FRMPD4: variants seen among roughly 807,000 people sequenced by gnomAD.
FRMPD4 encodes the protein FERM and PDZ domain-containing protein 4.
FRMPD4 carries 22 observed loss-of-function variants against 94.1 expected under a neutral mutation model. The ratio of observed to expected loss-of-function variants is 0.23; its 90% CI spans 0.17 to 0.33. The LOEUF (loss-of-function observed/expected upper bound fraction) is 0.33. Ranked by LOEUF, FRMPD4 falls within the 10% of genes least tolerant of loss-of-function variation. The pLI is 1.00. For synonymous variants in FRMPD4, 631 were observed against 548.6 expected (o/e 1.15, Z -2.10); for missense variants, 1,111 against 1,339.9 (o/e 0.83, Z 2.67).
At chrX:12,440,540 C>T (rs769038664) in intron 1 of FRMPD4, among the ~76,000 whole-genome samples, 6 of 111,655 alleles carry the variant, frequency 5.4e-5, no homozygotes, top group African/African-American at 1.6e-4. Flanking sequence ...GGAAGCTGGA[C>T]TTTGATATTA....
At chrX:11,837,555 G>C (rs1284723181) in intron 1 of FRMPD4, among the ~76,000 whole-genome samples, 3 of 111,438 alleles carry the variant, frequency 2.7e-5, no homozygotes, top group Non-Finnish European at 5.7e-5. Flanking sequence ...TTTTTATCAA[G>C]AATAATAGAG....
intron 3 of FRMPD4, among the ~76,000 whole-genome samples, chrX:11,956,812 ACT>A (rs1227410654): frequency 1.8e-5 from 2 of 112,238 alleles, no homozygotes; most frequent in African/African-American, 6.5e-5. Flanking sequence ...TGGGAGGCTG[ACT>A]ACTAACATAT....
intron 1 of FRMPD4, among the ~76,000 whole-genome samples, chrX:12,472,440 G>T (rs1019835922): frequency 8.9e-6 from 1 of 112,216 alleles, no homozygotes; most frequent in African/African-American, 3.2e-5. Context: ...CTTGTTGTGG[G>T]GTCAGCATGG....
intron 1 of FRMPD4, among the ~76,000 whole-genome samples, chrX:11,826,686 G>C (rs2053445063): frequency 8.9e-6 from 1 of 111,732 alleles, no homozygotes. Flanking sequence ...GATAATTTCA[G>C]ATTTATCTTG....
At position 12,138,863 on chromosome X, in the gene FRMPD4, T is replaced by G; in HGVS notation, c.-109T>G. On this transcript the variant is annotated 5_prime_UTR_variant, in exon 1 of 17. Transcript: ENST00000675598. ...CGCCGCCACCCGCTGTCGCCGCGAC[T>G]CGAGCCCCGGGCGCACTGAGGTCTT... 1.6e-6 allele frequency: 1 copy of G among 616,260 alleles called. No homozygotes were observed. 50.8% of individuals were successfully genotyped at this position (616,260 alleles called of 1,213,427 possible).
At chrX:12,155,948 G>A (rs925958959) in intron 1 of FRMPD4, among the ~76,000 whole-genome samples, 4 of 111,965 alleles carry the variant, frequency 3.6e-5, no homozygotes, top group African/African-American at 1.3e-4. Flanking sequence ...ACTGAGTTGA[G>A]TAGTTGCAAG....
At chrX:12,558,694 G>C (rs1386976850) in intron 2 of FRMPD4, among the ~76,000 whole-genome samples, 2 of 111,787 alleles carry the variant, frequency 1.8e-5, no homozygotes, top group Non-Finnish European at 3.8e-5. Flanking sequence ...AGCAAAAGCA[G>C]TATCTTTCAG....
At chrX:12,512,628 G>A (rs1212753850) in intron 2 of FRMPD4, among the ~76,000 whole-genome samples, 11 of 112,388 alleles carry the variant, frequency 9.8e-5, no homozygotes. Context: ...ATCATTGATG[G>A]GCATTTAGAT....
At chrX:12,104,015 T>C (rs769681164) in intron 3 of FRMPD4, among the ~76,000 whole-genome samples, 37 of 112,157 alleles carry the variant, frequency 3.3e-4, no homozygotes, top group African/African-American at 1.2e-3. Context: ...TACTAGCCTC[T>C]GGTGAGGGCC....
At chrX:11,831,762 A>G (rs144319744) in intron 1 of FRMPD4, among the ~76,000 whole-genome samples, 3,342 of 111,837 alleles carry the variant, frequency 0.03, 95 homozygotes, top group African/African-American at 0.1. Context: ...GAAAGTATCA[A>G]GGAAAAGAGT....
chrX:11,844,819 A>G (rs1490311583), intron 1 of FRMPD4, among the ~76,000 whole-genome samples: 2 of 111,288 alleles, frequency 1.8e-5, no homozygotes, highest in Non-Finnish European at 3.8e-5. Flanking sequence ...CTCTTTGATG[A>G]TTCTGTTATG....
intron 2 of FRMPD4, among the ~76,000 whole-genome samples, chrX:12,525,722 A>G (rs1183583943): frequency 8.9e-6 from 1 of 111,938 alleles, no homozygotes; most frequent in Admixed American, 9.5e-5. Flanking sequence ...AAACTGCCAA[A>G]TGTTTTCCAT....
At chrX:12,681,912 C>T (rs970776860) in intron 5 of FRMPD4, among the ~76,000 whole-genome samples, 12 of 111,739 alleles carry the variant, frequency 1.1e-4, no homozygotes, top group African/African-American at 3.9e-4. Context: ...TTTCATCACC[C>T]TGAAAGGAAA....
Position 12,616,347 on chromosome X carries a change from TC to T in FRMPD4, c.422+1467del, listed in dbSNP as rs1041560921. Among the ~76,000 whole-genome samples the T allele has an allele frequency of 4.5e-5, 5 of 112,179 alleles. No individual in the cohort carries two copies. In the Admixed American group the frequency reaches 4.7e-4, roughly 11 times the overall value. ...ACCAAACACCAAATCTACTGGAAGA[TC>T]TTGGACTTCACTGCCTCCAGAACTG... On this transcript the variant is annotated intron_variant, in intron 4 of 16. Coordinates refer to ENST00000675598, the MANE Select transcript of FRMPD4 (RefSeq NM_001368397.1).
At chrX:11,920,199 G>C (rs967665780) in intron 3 of FRMPD4, among the ~76,000 whole-genome samples, 2 of 111,851 alleles carry the variant, frequency 1.8e-5, no homozygotes, top group African/African-American at 6.5e-5. Flanking sequence ...GGGGAAAAAA[G>C]CCCAACATTT....
intron 1 of FRMPD4, among the ~76,000 whole-genome samples, chrX:12,158,522 C>T (rs2055971895): frequency 8.9e-6 from 1 of 112,326 alleles, no homozygotes; most frequent in African/African-American, 3.2e-5. Flanking sequence ...TAGAATACAA[C>T]TTGAACTCCA....
chrX:11,870,282 C>T (rs2053748751), intron 2 of FRMPD4, among the ~76,000 whole-genome samples: 1 of 111,605 alleles, frequency 9.0e-6, no homozygotes, highest in Non-Finnish European at 1.9e-5. Context: ...AAGTTTTTAC[C>T]CACCCCTCAC....
intron 1 of FRMPD4, among the ~76,000 whole-genome samples, chrX:12,240,889 CA>C (rs762396850): frequency 2.7e-4 from 30 of 112,143 alleles, no homozygotes; most frequent in Middle Eastern, 4.6e-3. Context: ...GGGCACCTTC[CA>C]AAAGGGTAAT....
In FRMPD4 at chrX:12,158,315, A is replaced by G. The variant is rs186141767; in HGVS notation, c.41+19303A>G. On this transcript the variant is annotated intron_variant, in intron 1 of 16. Transcript: ENST00000675598. The stretch of plus-strand genomic sequence containing the variant: ...GTCTCTCACTTGCCTAAATGAGTAC[A>G]ATTGACACTGTAGACACATTGGATC... 3.0e-4 allele frequency among the ~76,000 whole-genome samples: 34 copies of G among 112,309 alleles called. No homozygotes were observed. In the East Asian group the frequency reaches 8.3e-3, roughly 28 times the overall value.
Sources: gnomAD v4.1 joint callset for allele counts (sites outside exome capture counted in the v4.1 genomes callset) on GRCh38, gnomAD v4.1.1 for gene constraint, MANE v1.5 for transcripts, NCBI Gene and HGNC (gene_info 2026-07-23, HGNC 2026-07-21) for gene names.